The following SMARCAD1 variants were observed in gnomAD, a reference collection of about 807,000 sequenced individuals.
SMARCAD1 encodes the protein SNF2 related chromatin remodeling ATPase with DExD box 1.
Under a neutral mutation model 127.1 loss-of-function variants are expected in SMARCAD1, and 25 were observed. The observed-to-expected ratio is 0.20, with a 90% confidence interval of 0.14 to 0.27. The LOEUF (loss-of-function observed/expected upper bound fraction) is 0.27. Among genes scored for constraint, SMARCAD1 ranks in the 10% least tolerant of loss-of-function variants. The pLI is 1.00. For synonymous variants in SMARCAD1, 400 were observed against 396.9 expected, an observed-to-expected ratio of 1.01 and a Z score of -0.09; for missense variants, 807 against 1,206.0, an observed-to-expected ratio of 0.67 and a Z score of 4.90.
chr4:94,287,771 C>T (rs1755152366), intron 23 of SMARCAD1, among the ~76,000 whole-genome samples: 1 of 151,630 alleles, frequency 6.6e-6, no homozygotes, highest in Non-Finnish European at 1.5e-5. Context: ...ACATTTTTTA[C>T]CTTTTGGAAC....
rs983592856 is a variant in SMARCAD1 at position 94,290,158 on chromosome 4, C to T, written c.*624C>T. 1 of 454,370 alleles carries T rather than the reference C, an allele frequency of 2.2e-6. No individual in the cohort carries two copies. Among genetic ancestry groups the T allele is most frequent in the Non-Finnish European group, 4.4e-6 (1 of 226,768 alleles). 28.1% of individuals were successfully genotyped at this position (454,370 alleles called of 1,614,324 possible). A position where few individuals can be genotyped will look rare whatever the true frequency, so the allele number is the denominator to read the frequency against. On this transcript the variant is annotated 3_prime_UTR_variant, in exon 24 of 24. Transcript: ENST00000354268. ...GCTGAAACAAATTTATTTGGCTAGG[C>T]ACTAAGTTGTTTTCCAGTGAATAGT...
chr4:94,288,259 C>A (rs1295641334), intron 23 of SMARCAD1, among the ~76,000 whole-genome samples: 1 of 147,590 alleles, frequency 6.8e-6, no homozygotes, highest in African/African-American at 2.5e-5. Flanking sequence ...TCTCATTTGT[C>A]CCCTTAATGT....
chr4:94,286,472 G>T (rs1560573207), intron 23 of SMARCAD1, among the ~76,000 whole-genome samples: 1 of 152,128 alleles, frequency 6.6e-6, no homozygotes, highest in Non-Finnish European at 1.5e-5. Context: ...AGGATTCTGG[G>T]TGTGAACTAG....
At chr4:94,214,912 A>G (rs1742920296) in intron 2 of SMARCAD1, among the ~76,000 whole-genome samples, 1 of 152,124 alleles carries the variant, frequency 6.6e-6, no homozygotes, top group African/African-American at 2.4e-5. Context: ...CATTTTTAAA[A>G]CTATACCAGT....
chr4:94,268,954 G>A (rs1009359900), intron 10 of SMARCAD1, among the ~76,000 whole-genome samples: 2 of 152,040 alleles, frequency 1.3e-5, no homozygotes, highest in South Asian at 4.1e-4. Flanking sequence ...TTTTATAGTA[G>A]TAGCATAGAA....
chr4:94,223,099 A>G (rs1744411831), intron 2 of SMARCAD1, among the ~76,000 whole-genome samples: 1 of 152,182 alleles, frequency 6.6e-6, no homozygotes, highest in African/African-American at 2.4e-5. Flanking sequence ...AATCCTCACT[A>G]ATTAAATTTT....
At chr4:94,251,920 C>A (rs545991319) in intron 8 of SMARCAD1, among the ~76,000 whole-genome samples, 45 of 152,174 alleles carry the variant, frequency 3.0e-4, no homozygotes, top group Non-Finnish European at 6.2e-4. Context: ...GGCACAGTCT[C>A]GGCTAACTGC....
At chr4:94,208,622 C>T (rs775469820) in intron 2 of SMARCAD1, 38 bp downstream of exon 2, 2 of 1,582,878 alleles carry the variant, frequency 1.3e-6, no homozygotes, top group Admixed American at 1.7e-5. Context: ...ACATCAAGGA[C>T]AGTTTTTAAA....
intron 3 of SMARCAD1, among the ~76,000 whole-genome samples, chr4:94,232,402 G>C (rs1745976622): frequency 6.6e-6 from 1 of 152,174 alleles, no homozygotes; most frequent in African/African-American, 2.4e-5. Flanking sequence ...ATTTTAACCT[G>C]AATGCTTTCA....
chr4:94,251,773 C>T (rs1749306881), intron 8 of SMARCAD1, among the ~76,000 whole-genome samples: 1 of 152,186 alleles, frequency 6.6e-6, no homozygotes, highest in Non-Finnish European at 1.5e-5. Context: ...CATTCACAGG[C>T]ATCTTAGAAT....
At chr4:94,266,110 G>A (rs1481977598) in intron 10 of SMARCAD1, among the ~76,000 whole-genome samples, 1 of 151,702 alleles carries the variant, frequency 6.6e-6, no homozygotes, top group Non-Finnish European at 1.5e-5. Context: ...CCACAAAGAA[G>A]CTCTTTTCTC....
At chr4:94,251,558 A>C (rs1749273103) in intron 8 of SMARCAD1, among the ~76,000 whole-genome samples, 1 of 152,234 alleles carries the variant, frequency 6.6e-6, no homozygotes, top group Non-Finnish European at 1.5e-5. Context: ...ATGAGTCAGA[A>C]GAGCCATGTT....
At chr4:94,232,974 C>T (rs766742428) in intron 3 of SMARCAD1, among the ~76,000 whole-genome samples, 9 of 151,860 alleles carry the variant, frequency 5.9e-5, no homozygotes, top group South Asian at 4.2e-4. Flanking sequence ...AGTGGAACCC[C>T]GTCTCAAAAA....
Position 94,249,634 on chromosome 4 carries a change from T to C in SMARCAD1, c.706-20T>C, listed in dbSNP as rs963428304. ...ATTGATATCTCTTAAATTGTTTTCT[T>C]TTTTTTTTCTCCCCATTAGGGAGAG... On this transcript the variant is annotated intron_variant, in intron 6 of 23. Transcript: ENST00000354268. 5 of 1,299,580 alleles carry C rather than the reference T, an allele frequency of 3.8e-6. No homozygotes were observed. The highest frequency in any genetic ancestry group is 1.2e-5 in the South Asian group (1 of 83,600). 80.5% of individuals were successfully genotyped at this position (1,299,580 alleles called of 1,614,324 possible).
intron 2 of SMARCAD1, among the ~76,000 whole-genome samples, chr4:94,214,942 G>A (rs1298992500): frequency 6.6e-6 from 1 of 152,124 alleles, no homozygotes; most frequent in African/African-American, 2.4e-5. Context: ...GATTTCCTGA[G>A]AGTATTGCTC....
chr4:94,231,547 T>C (rs541280706), intron 3 of SMARCAD1, among the ~76,000 whole-genome samples: 198 of 152,334 alleles, frequency 1.3e-3, no homozygotes, highest in African/African-American at 4.3e-3. Context: ...ATTTAACAGT[T>C]GTTTTCCTTA....
intron 5 of SMARCAD1, 86 bp downstream of exon 5, chr4:94,237,104 A>G: frequency 9.3e-7 from 1 of 1,071,036 alleles, no homozygotes; most frequent in Non-Finnish European, 1.4e-6. Context: ...TCCACAGTTT[A>G]TCAAACACCT....
intron 9 of SMARCAD1, among the ~76,000 whole-genome samples, chr4:94,257,236 T>C (rs1210699660): frequency 1.3e-5 from 2 of 152,330 alleles, no homozygotes; most frequent in East Asian, 3.9e-4. Context: ...TGAGAATGAT[T>C]TGTTTTACCT....
chr4:94,288,287 A>C (rs1755238706), intron 23 of SMARCAD1, among the ~76,000 whole-genome samples: 1 of 152,278 alleles, frequency 6.6e-6, no homozygotes, highest in Non-Finnish European at 1.5e-5. Context: ...AGCTTTCCTT[A>C]AAACACTAGG....
Sources: gnomAD v4.1 joint callset for allele counts (sites outside exome capture counted in the v4.1 genomes callset) on GRCh38, gnomAD v4.1.1 for gene constraint, MANE v1.5 for transcripts, NCBI Gene and HGNC (gene_info 2026-07-23, HGNC 2026-07-21) for gene names.